The following LINGO2 variants were observed in gnomAD, a reference collection of about 807,000 sequenced individuals.
The protein encoded by LINGO2 is leucine rich repeat and Ig domain containing 2.
Under a neutral mutation model 30.6 loss-of-function variants are expected in LINGO2, and 14 were observed. The ratio of observed to expected loss-of-function variants is 0.46; its 90% CI spans 0.30 to 0.72. The LOEUF (loss-of-function observed/expected upper bound fraction) is 0.72. Among genes scored for constraint, LINGO2 ranks in the 30% least tolerant of loss-of-function variants. The probability of loss-of-function intolerance (pLI) is 0.07; values close to 1 mark genes in which losing one functional copy is unlikely to be tolerated. For missense variants in LINGO2, 729 were observed against 751.7 expected (o/e 0.97, Z 0.35); for synonymous variants, 317 against 288.5 (o/e 1.10, Z -1.00).
intron 1 of LINGO2, among the ~76,000 whole-genome samples, chr9:28,580,814 C>G (rs1342902147): frequency 6.6e-6 from 1 of 151,964 alleles, no homozygotes; most frequent in Non-Finnish European, 1.5e-5. Flanking sequence ...TTTTGAGGAA[C>G]AAACTGAGCC....
At chr9:28,803,958 T>A in the LINGO2 span, among the ~76,000 whole-genome samples, 1 of 152,098 alleles carries the variant, frequency 6.6e-6, no homozygotes, top group African/African-American at 2.4e-5. Context: ...TAAGTGTGAA[T>A]CCATGATTTC....
At chr9:28,907,374 A>G in the LINGO2 span, among the ~76,000 whole-genome samples, 1 of 151,930 alleles carries the variant, frequency 6.6e-6, no homozygotes, top group Non-Finnish European at 1.5e-5. Flanking sequence ...CAAAAGAGAA[A>G]GTAGAGTAGA....
chr9:28,268,559 A>C (rs1049341981), intron 4 of LINGO2, among the ~76,000 whole-genome samples: 1 of 152,148 alleles, frequency 6.6e-6, no homozygotes, highest in African/African-American at 2.4e-5. Flanking sequence ...AGTCCATTTG[A>C]GTATAAGACA....
chr9:28,008,606 A>G (rs1232189454), intron 5 of LINGO2, among the ~76,000 whole-genome samples: 2 of 152,270 alleles, frequency 1.3e-5, no homozygotes, highest in African/African-American at 4.8e-5. Flanking sequence ...ATTTCAGAAT[A>G]CAAGATCAAT....
intron 2 of LINGO2, among the ~76,000 whole-genome samples, chr9:28,432,947 A>G (rs1823736779): frequency 6.6e-6 from 1 of 152,080 alleles, no homozygotes; most frequent in Admixed American, 6.6e-5. Context: ...TAATTTCTGG[A>G]GAGAGTAGAA....
the LINGO2 span, among the ~76,000 whole-genome samples, chr9:29,053,394 T>C: frequency 1.3e-5 from 2 of 152,074 alleles, no homozygotes; most frequent in African/African-American, 4.8e-5. Context: ...TGTGTTCTCA[T>C]TGTTCAATTC....
At chr9:28,937,754 C>G in the LINGO2 span, among the ~76,000 whole-genome samples, 3 of 152,168 alleles carry the variant, frequency 2.0e-5, no homozygotes, top group African/African-American at 7.2e-5. Flanking sequence ...AGTGGCAGAC[C>G]TGCTAGTCTC....
At chr9:28,557,527 G>C (rs1005085752) in intron 1 of LINGO2, among the ~76,000 whole-genome samples, 5 of 151,958 alleles carry the variant, frequency 3.3e-5, no homozygotes, top group African/African-American at 1.2e-4. Context: ...GGAGAAATAG[G>C]AACACTTTTA....
intron 1 of LINGO2, among the ~76,000 whole-genome samples, chr9:28,580,186 G>C (rs139197149): frequency 6.6e-6 from 1 of 152,134 alleles, no homozygotes; most frequent in East Asian, 1.9e-4. Flanking sequence ...GGCTAGGCTA[G>C]GTGGAATATC....
chr9:29,173,981 C>T, the LINGO2 span, among the ~76,000 whole-genome samples: 4 of 151,648 alleles, frequency 2.6e-5, no homozygotes, highest in Non-Finnish European at 4.4e-5. Flanking sequence ...TTTACTGTGT[C>T]AAGGAATTAG....
intron 1 of LINGO2, among the ~76,000 whole-genome samples, chr9:28,663,124 G>A (rs1054150456): frequency 4.8e-5 from 7 of 144,860 alleles, no homozygotes; most frequent in African/African-American, 8.6e-5. Flanking sequence ...CTTTTCTGCC[G>A]ACAAGTAGAT....
At chr9:27,994,723 A>G (rs1821571331) in intron 5 of LINGO2, among the ~76,000 whole-genome samples, 2 of 152,164 alleles carry the variant, frequency 1.3e-5, no homozygotes, top group Admixed American at 1.3e-4. Flanking sequence ...GCACCAATTA[A>G]TAGTAACTGA....
At chr9:28,552,552 TCTA>T (rs1822353309) in intron 1 of LINGO2, among the ~76,000 whole-genome samples, 1 of 152,020 alleles carries the variant, frequency 6.6e-6, no homozygotes, top group Non-Finnish European at 1.5e-5. Flanking sequence ...TTAAGATGGA[TCTA>T]TTGCTATTCA....
chr9:28,171,583 GA>G (rs1828584597), intron 4 of LINGO2, among the ~76,000 whole-genome samples: 1 of 152,094 alleles, frequency 6.6e-6, no homozygotes, highest in Non-Finnish European at 1.5e-5. Flanking sequence ...AGCACCATGG[GA>G]TTTACATACT....
intron 4 of LINGO2, among the ~76,000 whole-genome samples, chr9:28,058,988 C>CA (rs975457305): frequency 5.9e-5 from 9 of 152,014 alleles, no homozygotes; most frequent in Admixed American, 5.9e-4. Context: ...TGGTGTATAT[C>CA]AAAAAAGATT....
intron 4 of LINGO2, among the ~76,000 whole-genome samples, chr9:28,094,171 G>A (rs1826177852): frequency 6.6e-6 from 1 of 152,030 alleles, no homozygotes; most frequent in Admixed American, 6.6e-5. Context: ...AACCTATTTA[G>A]GGAAGAAAAT....
intron 3 of LINGO2, among the ~76,000 whole-genome samples, chr9:28,326,874 A>G (rs1587472352): frequency 6.6e-6 from 1 of 152,236 alleles, no homozygotes; most frequent in East Asian, 1.9e-4. Flanking sequence ...TGGACACATA[A>G]ATACCATTAC....
chr9:28,315,034 A>G (rs1167882311), intron 3 of LINGO2, among the ~76,000 whole-genome samples: 1 of 151,612 alleles, frequency 6.6e-6, no homozygotes, highest in Non-Finnish European at 1.5e-5. Flanking sequence ...AAGAAACAAA[A>G]TGAAAATATG....
At chr9:27,990,803 G>C (rs1229322227) in intron 5 of LINGO2, among the ~76,000 whole-genome samples, 1 of 151,944 alleles carries the variant, frequency 6.6e-6, no homozygotes, top group Non-Finnish European at 1.5e-5. Flanking sequence ...AGGCATCAAG[G>C]GCTTTGCTCC....
Sources: gnomAD v4.1 joint callset for allele counts (sites outside exome capture counted in the v4.1 genomes callset) on GRCh38, gnomAD v4.1.1 for gene constraint, MANE v1.5 for transcripts, NCBI Gene and HGNC (gene_info 2026-07-23, HGNC 2026-07-21) for gene names.